DNAAF11: variants seen among roughly 807,000 people sequenced by gnomAD.
The protein encoded by DNAAF11 is leucine rich repeat containing 6.
In DNAAF11, 45 loss-of-function variants were observed where a neutral mutation model predicts 60.8. The observed-to-expected ratio is 0.74, with a 90% CI of 0.58 to 0.95. The LOEUF is 0.95. DNAAF11 is among the 40% of genes least tolerant of loss of function. DNAAF11 has a pLI of 0.00. For missense variants in DNAAF11, 546 were observed against 546.2 expected, an observed-to-expected ratio of 1.00 and a Z score of 0.00; for synonymous variants, 191 against 183.5, an observed-to-expected ratio of 1.04 and a Z score of -0.33.
At chr8:132,634,001 A>C (rs1441997937) in intron 4 of DNAAF11, among the ~76,000 whole-genome samples, 1 of 152,154 alleles carries the variant, frequency 6.6e-6, no homozygotes, top group Non-Finnish European at 1.5e-5. Context: ...TAAGTCACTA[A>C]GTTTGTCTCA....
intron 11 of DNAAF11, among the ~76,000 whole-genome samples, chr8:132,575,573 G>A (rs1318808666): frequency 6.6e-6 from 1 of 152,092 alleles, no homozygotes; most frequent in Non-Finnish European, 1.5e-5. Context: ...CTGCAAGTAG[G>A]ATAAACAAGC....
chr8:132,580,942 A>T (rs138085875), intron 11 of DNAAF11, among the ~76,000 whole-genome samples: 1 of 152,240 alleles, frequency 6.6e-6, no homozygotes, highest in African/African-American at 2.4e-5. Flanking sequence ...TATAAAACTC[A>T]TAAGACTATG....
chr8:132,701,262 C>A, the DNAAF11 span, among the ~76,000 whole-genome samples: 1 of 152,134 alleles, frequency 6.6e-6, no homozygotes, highest in Non-Finnish European at 1.5e-5. Context: ...CAAATACCAC[C>A]CGGCTCATAT....
chr8:132,610,319 A>C, intron 9 of DNAAF11, 58 bp from the exon 10 acceptor site: 2 of 1,086,788 alleles, frequency 1.8e-6, no homozygotes, highest in South Asian at 1.3e-5. Context: ...TGAGAGGGTT[A>C]CTAAAAGGGG....
intron 7 of DNAAF11, among the ~76,000 whole-genome samples, chr8:132,618,843 G>C (rs1175058546): frequency 1.3e-5 from 2 of 152,220 alleles, no homozygotes; most frequent in Admixed American, 6.5e-5. Context: ...CTTTTACACT[G>C]TTGGTGGGAC....
chr8:132,684,667 C>A, the DNAAF11 span, among the ~76,000 whole-genome samples: 1 of 152,202 alleles, frequency 6.6e-6, no homozygotes, highest in Non-Finnish European at 1.5e-5. Context: ...TAGAGATTGC[C>A]TCCTAGAAAC....
intron 10 of DNAAF11, among the ~76,000 whole-genome samples, chr8:132,603,311 G>A (rs1281631115): frequency 6.6e-6 from 1 of 152,084 alleles, no homozygotes; most frequent in Admixed American, 6.6e-5. Context: ...GAAGAACAGA[G>A]GTCTCAGAAT....
At chr8:132,677,750 G>A (rs958610024), upstream of DNAAF11, among the ~76,000 whole-genome samples, 1 of 152,046 alleles carries the variant, frequency 6.6e-6, no homozygotes, top group Non-Finnish European at 1.5e-5. Flanking sequence ...AAAAAAATCG[G>A]GGTGCTGGTG....
At chr8:132,646,210 C>A (rs1822364477) in intron 3 of DNAAF11, among the ~76,000 whole-genome samples, 1 of 152,122 alleles carries the variant, frequency 6.6e-6, no homozygotes, top group South Asian at 2.1e-4. Flanking sequence ...GAATTTTCAA[C>A]CCAGAATTTC....
At chr8:132,599,224 G>A (rs1368094965) in intron 10 of DNAAF11, among the ~76,000 whole-genome samples, 1 of 152,092 alleles carries the variant, frequency 6.6e-6, no homozygotes, top group Admixed American at 6.5e-5. Flanking sequence ...ACTAAACCAG[G>A]AAGAAGTTGA....
intron 1 of DNAAF11, among the ~76,000 whole-genome samples, chr8:132,662,565 C>G (rs963483805): frequency 3.9e-5 from 6 of 152,134 alleles, no homozygotes; most frequent in Non-Finnish European, 8.8e-5. Context: ...TACAAGGTGC[C>G]AGGTAGTATT....
intron 6 of DNAAF11, among the ~76,000 whole-genome samples, chr8:132,623,268 C>T (rs1369479694): frequency 6.6e-6 from 1 of 152,010 alleles, no homozygotes. Flanking sequence ...TATTTTGCAG[C>T]TATTAAAAAA....
chr8:132,572,430 G>C lies in DNAAF11; in HGVS notation c.1277C>G (p.Pro426Arg), dbSNP rs1206712078. Residue 426 changes from proline (P) to arginine (R), a missense_variant, in exon 12 of 12, where the codon CCT becomes CGT. Pro to Arg is a moderately radical substitution (Grantham distance 103). Coordinates refer to ENST00000620350, the MANE Select transcript of DNAAF11 (RefSeq NM_012472.6). ...LEVDPSKHSF[P>R]DVTNIVQEKK... ...CTCTTGAACTATGTTAGTCACATCA[G>C]GGAATGAGTGCTTGCTAGGGTCTAC... 1.2e-6 allele frequency: 2 copies of C among 1,612,590 alleles called. No individual in the cohort carries two copies. The highest frequency in any genetic ancestry group is 2.7e-5 in the African/African-American group (2 of 74,864).
At chr8:132,578,394 A>AG in intron 11 of DNAAF11, 2 of 1,421,910 alleles carry the variant, frequency 1.4e-6, no homozygotes, top group Non-Finnish European at 1.8e-6. Context: ...CAAAGTGGGG[A>AG]GGGGCCTTTT....
At chr8:132,692,968 A>G in the DNAAF11 span, among the ~76,000 whole-genome samples, 1 of 152,378 alleles carries the variant, frequency 6.6e-6, no homozygotes, top group South Asian at 2.1e-4. Context: ...GCATGTATCT[A>G]TAAGGAGCAG....
intron 5 of DNAAF11, among the ~76,000 whole-genome samples, chr8:132,630,511 A>G (rs1270855777): frequency 2.6e-5 from 4 of 152,246 alleles, no homozygotes; most frequent in African/African-American, 7.2e-5. Context: ...TCCATAAACA[A>G]GACAAAAATG....
At chr8:132,673,016 G>C (rs924878634) in intron 1 of DNAAF11, among the ~76,000 whole-genome samples, 2 of 152,316 alleles carry the variant, frequency 1.3e-5, no homozygotes, top group African/African-American at 2.4e-5. Context: ...GCACACAGGA[G>C]CAGTCAGGAG....
intron 10 of DNAAF11, among the ~76,000 whole-genome samples, chr8:132,598,501 T>C (rs1195903242): frequency 6.6e-6 from 1 of 152,226 alleles, no homozygotes; most frequent in Non-Finnish European, 1.5e-5. Context: ...TAATTGTAGA[T>C]ATATGAATGT....
chr8:132,661,353 T>C (rs913322860), intron 2 of DNAAF11, 107 bp downstream of exon 2: 5 of 904,018 alleles, frequency 5.5e-6, no homozygotes, highest in African/African-American at 5.0e-5. Flanking sequence ...TGTTTTCCCA[T>C]GGAGTTTTTT....
Sources: allele counts gnomAD v4.1 joint callset (sites outside exome capture counted in the v4.1 genomes callset), GRCh38; gene constraint gnomAD v4.1.1; transcripts MANE v1.5; gene names NCBI Gene and HGNC (gene_info 2026-07-23, HGNC 2026-07-21).